Variants in PTCHD4 observed in about 807,000 individuals in gnomAD.
PTCHD4 encodes the protein patched domain-containing protein 4.
In PTCHD4, 33 loss-of-function variants were observed where a neutral mutation model predicts 58.1. The ratio of observed to expected loss-of-function variants is 0.57; its 90% CI spans 0.43 to 0.76. The LOEUF is 0.76. PTCHD4 is among the 30% of genes least tolerant of loss of function. The pLI is 0.00. For missense variants in PTCHD4, 1,058 were observed against 1,027.1 expected (o/e 1.03, Z -0.41); for synonymous variants, 478 against 409.6 (o/e 1.17, Z -2.02).
Position 48,069,143 on chromosome 6 carries a change from G to C in PTCHD4, c.-186C>G, listed in dbSNP as rs569577853. Among the ~76,000 whole-genome samples the C allele has an allele frequency of 1.5e-4, 21 of 141,994 alleles. No homozygotes were observed. The highest frequency in any genetic ancestry group is 4.2e-4 in the African/African-American group (16 of 38,348). 93.2% of individuals were successfully genotyped at this position (141,994 alleles called of 152,430 possible). Reference sequence around the variant, plus strand: ...GAAGCAGACATGTGCCCCATAAAGGGGGGGGGGGCTGAGGGGGGGAGAGGA... The same window carrying C: ...GAAGCAGACATGTGCCCCATAAAGGCGGGGGGGGCTGAGGGGGGGAGAGGA... On this transcript the variant is annotated 5_prime_UTR_variant, in exon 2 of 5. Transcript: ENST00000339488.
intron 4 of PTCHD4, among the ~76,000 whole-genome samples, chr6:47,974,664 G>A (rs879569128): frequency 2.6e-5 from 4 of 152,184 alleles, no homozygotes; most frequent in Non-Finnish European, 5.9e-5. Flanking sequence ...ATTGCCCCTG[G>A]TTGAGAATGC....
chr6:47,910,917 A>G (rs1380181597), intron 4 of PTCHD4, among the ~76,000 whole-genome samples: 1 of 152,160 alleles, frequency 6.6e-6, no homozygotes, highest in Admixed American at 6.6e-5. Context: ...TGTTTTAGGC[A>G]CCAGACATAC....
At position 47,858,883 on chromosome 6, in the gene PTCHD4, C is replaced by G. The variant is rs1240658294; in HGVS notation, c.*19420G>C. Among the ~76,000 whole-genome samples, 1 of 152,004 alleles carries G rather than the reference C, an allele frequency of 6.6e-6. No individual in the cohort carries two copies. ...TTCTTGAATCTATGAATTTAAACTA[C>G]CCCATTTCTCCTTAATTCTTTCAGC... On this transcript the variant is annotated 3_prime_UTR_variant, in exon 5 of 5. Transcript: ENST00000339488.
chr6:48,021,863 T>TA (rs1440425967), intron 3 of PTCHD4, among the ~76,000 whole-genome samples: 2 of 152,200 alleles, frequency 1.3e-5, no homozygotes, highest in Non-Finnish European at 2.9e-5. Context: ...GTATCTTTTT[T>TA]ATCTCTCCAA....
chr6:47,901,277 C>T (rs1764692990), intron 4 of PTCHD4: 2 of 209,638 alleles, frequency 9.5e-6, no homozygotes, highest in Non-Finnish European at 8.3e-6. Context: ...TTTTTACACT[C>T]AAGTTCATAA....
At chr6:48,001,523 T>C (rs2114062252) in intron 4 of PTCHD4, among the ~76,000 whole-genome samples, 1 of 152,314 alleles carries the variant, frequency 6.6e-6, no homozygotes, top group Non-Finnish European at 1.5e-5. Flanking sequence ...ATTCCCTATT[T>C]AATAAATGGT....
At chr6:47,949,306 C>T (rs996737471) in intron 4 of PTCHD4, among the ~76,000 whole-genome samples, 5 of 152,110 alleles carry the variant, frequency 3.3e-5, no homozygotes, top group African/African-American at 1.2e-4. Context: ...TTGCTGAACA[C>T]CTGCAGGCTT....
chr6:47,929,540 G>T (rs2113902375), intron 4 of PTCHD4, among the ~76,000 whole-genome samples: 1 of 152,266 alleles, frequency 6.6e-6, no homozygotes, highest in South Asian at 2.1e-4. Flanking sequence ...TCTTGCAGTA[G>T]GTAAAAAAGT....
At position 47,874,932 on chromosome 6, in the gene PTCHD4, T is replaced by C. The variant is rs1246095206; in HGVS notation, c.*3371A>G. On this transcript the variant is annotated 3_prime_UTR_variant, in exon 5 of 5. Coordinates refer to ENST00000339488, the MANE Select transcript of PTCHD4 (RefSeq NM_001384253.1). ...TAACCATAAACGGTAAAAAATCTTT[T>C]AGCTGATCTCTCTGTAATTTAGGTG... Among the ~76,000 whole-genome samples the C allele has an allele frequency of 6.6e-5, 10 of 151,820 alleles. No individual in the cohort carries two copies.
At chr6:48,001,811 C>A (rs982835842) in intron 4 of PTCHD4, among the ~76,000 whole-genome samples, 5 of 152,088 alleles carry the variant, frequency 3.3e-5, no homozygotes, top group Admixed American at 6.6e-5. Flanking sequence ...CTACCATTAG[C>A]GTGAACAGGC....
intron 3 of PTCHD4, among the ~76,000 whole-genome samples, chr6:48,060,035 T>TTGTG (rs1230956923): frequency 6.6e-6 from 1 of 152,068 alleles, no homozygotes; most frequent in Admixed American, 6.6e-5. Context: ...ATCTATGTGA[T>TTGTG]TGTGTGTGTG....
At chr6:47,968,841 A>G (rs765840382) in intron 4 of PTCHD4, among the ~76,000 whole-genome samples, 2 of 152,162 alleles carry the variant, frequency 1.3e-5, no homozygotes, top group Non-Finnish European at 2.9e-5. Flanking sequence ...AAAATGCTAT[A>G]TGATGATATA....
At chr6:48,079,003 C>G (rs1765112501) in intron 1 of PTCHD4, among the ~76,000 whole-genome samples, 1 of 151,504 alleles carries the variant, frequency 6.6e-6, no homozygotes. Context: ...CCTGTAGTCC[C>G]AGCTACTGGG....
At chr6:48,027,878 A>G (rs1763300504) in intron 3 of PTCHD4, among the ~76,000 whole-genome samples, 2 of 152,236 alleles carry the variant, frequency 1.3e-5, no homozygotes, top group East Asian at 3.9e-4. Flanking sequence ...CAGAAATAAT[A>G]AGGGTGAAGG....
chr6:47,952,175 C>T (rs1489509440), intron 4 of PTCHD4, among the ~76,000 whole-genome samples: 1 of 152,002 alleles, frequency 6.6e-6, no homozygotes, highest in African/African-American at 2.4e-5. Flanking sequence ...GTAATTTGAG[C>T]TTATTTCATT....
At chr6:48,003,629 G>A (rs1478773091) in intron 4 of PTCHD4, among the ~76,000 whole-genome samples, 2 of 152,160 alleles carry the variant, frequency 1.3e-5, no homozygotes, top group Admixed American at 6.5e-5. Context: ...ATTAATTTAT[G>A]TAATGTAGAC....
At chr6:47,896,749 A>G (rs1296599427) in intron 4 of PTCHD4, among the ~76,000 whole-genome samples, 1 of 152,208 alleles carries the variant, frequency 6.6e-6, no homozygotes, top group African/African-American at 2.4e-5. Context: ...ACACCGCTGT[A>G]TCTGAATCCC....
intron 4 of PTCHD4, among the ~76,000 whole-genome samples, chr6:47,935,701 A>T (rs1233977702): frequency 2.0e-5 from 3 of 152,180 alleles, no homozygotes; most frequent in African/African-American, 7.2e-5. Context: ...AAATATATAG[A>T]TTACTGATTA....
chr6:48,093,928 C>A (rs964330904), intron 1 of PTCHD4, among the ~76,000 whole-genome samples: 1 of 152,132 alleles, frequency 6.6e-6, no homozygotes, highest in African/African-American at 2.4e-5. Flanking sequence ...AGATTCAAAG[C>A]TGTCATTTGA....
Sources: gnomAD v4.1 joint callset for allele counts (sites outside exome capture counted in the v4.1 genomes callset) on GRCh38, gnomAD v4.1.1 for gene constraint, MANE v1.5 for transcripts, NCBI Gene and HGNC (gene_info 2026-07-23, HGNC 2026-07-21) for gene names.